The following FRAS1 variants were observed in gnomAD, a reference collection of about 807,000 sequenced individuals.
The protein encoded by FRAS1 is extracellular matrix organizing protein FRAS1.
Under a neutral mutation model 435.2 loss-of-function variants are expected in FRAS1, and 290 were observed. The observed-to-expected ratio is 0.67, with a 90% confidence interval of 0.61 to 0.73. The LOEUF (loss-of-function observed/expected upper bound fraction) is 0.73, where lower values mean the gene tolerates loss of function less well. Ranked by LOEUF, FRAS1 falls within the 30% of genes least tolerant of loss-of-function variation. The probability of loss-of-function intolerance (pLI) is 0.00; values close to 1 mark genes in which losing one functional copy is unlikely to be tolerated. For missense variants in FRAS1, 4,860 were observed against 5,001.5 expected (o/e 0.97, Z 0.85); for synonymous variants, 1,800 against 1,851.0 (o/e 0.97, Z 0.71).
At chr4:78,354,945 G>A (rs980737486) in intron 20 of FRAS1, among the ~76,000 whole-genome samples, 4 of 152,180 alleles carry the variant, frequency 2.6e-5, no homozygotes, top group African/African-American at 7.2e-5. Context: ...AATCCTCACT[G>A]ATCCTTGAAG....
Position 78,519,497 on chromosome 4 carries a change from C to T in FRAS1, c.10540+16C>T. ...TGGAGAACAGGTATGCCCACTGACG[C>T]CTTAACTATCCCTTTAGTTAGGGCT... is the stretch of plus-strand genomic sequence containing the variant. On this transcript the variant is annotated intron_variant, in intron 67 of 73. Transcript: ENST00000512123. The T allele has an allele frequency of 6.2e-7, 1 of 1,602,196 alleles. No individual in the cohort carries two copies. The highest frequency in any genetic ancestry group is 8.5e-7 in the Non-Finnish European group (1 of 1,175,650).
intron 24 of FRAS1, 104 bp from the exon 25 acceptor site, chr4:78,374,007 A>T (rs1156252833): frequency 8.9e-7 from 1 of 1,126,396 alleles, no homozygotes; most frequent in Non-Finnish European, 1.2e-6. Context: ...TGCCCAGTAC[A>T]CTAGGCTGTA....
chr4:78,115,153 C>T (rs539092645), intron 2 of FRAS1, among the ~76,000 whole-genome samples: 109 of 151,366 alleles, frequency 7.2e-4, no homozygotes, highest in African/African-American at 2.5e-3. Flanking sequence ...GTATGTTGAA[C>T]CAGCCTTGCA....
At position 78,165,047 on chromosome 4, in the gene FRAS1, CTT is replaced by C. The variant is rs371186816; in HGVS notation, c.109-72462_109-72461del. 1.5e-4 allele frequency among the ~76,000 whole-genome samples: 23 copies of C among 152,274 alleles called. No individual in the cohort carries two copies. In the East Asian group the frequency reaches 3.7e-3, roughly 24 times the overall value. On this transcript the variant is annotated intron_variant, in intron 2 of 73. Transcript: ENST00000512123. ...AAAAAGATAAATTTAGAATGATTCT[CTT>C]GTTTCCCTACAAATGAGCATGAATT...
In FRAS1 at chr4:78,375,898, A is replaced by G. The variant is rs756903737; in HGVS notation, c.3292+19A>G. On this transcript the variant is annotated intron_variant, in intron 26 of 73. Coordinates refer to ENST00000512123, the MANE Select transcript of FRAS1 (RefSeq NM_025074.7). ...TGTTCTGGTAAGTGCTTCTCCTCAGATGGTCTGGTGAATTTACCAATAATT... is the reference window on the plus strand; with the variant it reads ...TGTTCTGGTAAGTGCTTCTCCTCAGGTGGTCTGGTGAATTTACCAATAATT... The G allele has an allele frequency of 9.3e-6, 15 of 1,613,170 alleles. No individual in the cohort carries two copies. The African/African-American group carries it at 1.6e-4, about 17-fold the overall frequency.
intron 69 of FRAS1, among the ~76,000 whole-genome samples, chr4:78,525,159 TCTA>T (rs1432109703): frequency 6.6e-6 from 1 of 152,182 alleles, no homozygotes; most frequent in African/African-American, 2.4e-5. Flanking sequence ...GCCTCTGGCT[TCTA>T]CTCTGTAGTG....
intron 2 of FRAS1, among the ~76,000 whole-genome samples, chr4:78,190,288 C>T (rs1316832150): frequency 6.6e-6 from 1 of 152,122 alleles, no homozygotes; most frequent in Non-Finnish European, 1.5e-5. Context: ...ACTGTTTAGT[C>T]TTTCTCCCTG....
At chr4:78,290,685 A>T (rs1157926827) in intron 14 of FRAS1, among the ~76,000 whole-genome samples, 1 of 150,510 alleles carries the variant, frequency 6.6e-6, no homozygotes, top group Non-Finnish European at 1.5e-5. Context: ...CCTGACCTCA[A>T]GTGATCTGCC....
chr4:78,462,670 A>G (rs1719406130), intron 47 of FRAS1, among the ~76,000 whole-genome samples: 1 of 152,186 alleles, frequency 6.6e-6, no homozygotes, highest in Non-Finnish European at 1.5e-5. Flanking sequence ...GAAGTTGTTA[A>G]ATTTTTAAAG....
At chr4:78,100,442 G>A (rs1742064747) in intron 2 of FRAS1, among the ~76,000 whole-genome samples, 1 of 152,196 alleles carries the variant, frequency 6.6e-6, no homozygotes. Context: ...GTCCTCACTG[G>A]AGAAACCATC....
rs1205557714 is a variant in FRAS1, at chr4:78,450,160, C to T, written c.6284C>T (p.Ala2095Val). Residue 2095 changes from alanine (A) to valine (V), a missense_variant, in exon 45 of 74, where the codon GCA (alanine) becomes GTA (valine). Ala to Val is a moderately conservative substitution (Grantham distance 64). Coordinates refer to ENST00000512123, the MANE Select transcript of FRAS1 (RefSeq NM_025074.7). ...TCCGTTCTCTTCCAAGGGTCTGTAG[C>T]ACGCATCACAGAACAGCACTTGAAA... ...QGLQLSAGSVARITEQHLKVT... is the reference protein window; with the variant it reads ...QGLQLSAGSVVRITEQHLKVT... 1.2e-6 allele frequency: 2 copies of T among 1,612,696 alleles called. No homozygotes were observed. Among genetic ancestry groups the T allele is most frequent in the Admixed American group, 1.7e-5 (1 of 59,982 alleles).
intron 2 of FRAS1, among the ~76,000 whole-genome samples, chr4:78,121,519 T>A (rs1719022904): frequency 6.6e-6 from 1 of 152,216 alleles, no homozygotes; most frequent in Non-Finnish European, 1.5e-5. Flanking sequence ...TCAAGCACAC[T>A]CTGTCTATGT....
Position 78,488,921 on chromosome 4 carries a change from G to A in FRAS1, c.8799G>A (p.Lys2933=). ...FAKDLLLVKE[K]EGVLHVPITR... Reference sequence around the variant, plus strand: ...AGGATTTGCTCCTAGTGAAGGAGAAGGAGGGTGTCCTGCATGTCCCTATCA... The same window carrying A: ...AGGATTTGCTCCTAGTGAAGGAGAAAGAGGGTGTCCTGCATGTCCCTATCA... The change falls in exon 59 of 74, where the codon AAG becomes AAA. Residue 2933 remains lysine, a synonymous_variant. Transcript: ENST00000512123. 3 of 1,613,422 alleles carry A rather than the reference G, an allele frequency of 1.9e-6. No homozygotes were observed. The South Asian group carries it at 3.3e-5, about 18-fold the overall frequency.
chr4:78,514,303 G>A (rs1188108886), intron 65 of FRAS1, among the ~76,000 whole-genome samples: 2 of 152,232 alleles, frequency 1.3e-5, no homozygotes, highest in African/African-American at 2.4e-5. Context: ...CTGAGGCAGC[G>A]CATCTCTGTG....
intron 2 of FRAS1, among the ~76,000 whole-genome samples, chr4:78,173,491 G>T (rs1005072441): frequency 6.6e-6 from 1 of 152,112 alleles, no homozygotes; most frequent in Non-Finnish European, 1.5e-5. Flanking sequence ...TCCCTCACTT[G>T]CATCTCCTCC....
chr4:78,489,153 T>C, intron 59 of FRAS1, 73 bp downstream of exon 59: 3 of 1,427,466 alleles, frequency 2.1e-6, no homozygotes, highest in Admixed American at 2.0e-5. Context: ...AAGTCATTTA[T>C]ATAAATTCCA....
At chr4:78,241,639 A>C (rs981725801) in intron 3 of FRAS1, among the ~76,000 whole-genome samples, 2 of 151,958 alleles carry the variant, frequency 1.3e-5, no homozygotes, top group African/African-American at 4.8e-5. Flanking sequence ...GAATAGGAGA[A>C]TGGGAGGCCA....
chr4:78,540,448 T>C, intron 73 of FRAS1, 83 bp from the exon 74 acceptor site: 1 of 810,848 alleles, frequency 1.2e-6, no homozygotes, highest in East Asian at 2.7e-5. Flanking sequence ...TATCAAGGCA[T>C]ATAGTGGCAA....
intron 2 of FRAS1, among the ~76,000 whole-genome samples, chr4:78,105,770 C>T (rs907544323): frequency 6.6e-6 from 1 of 151,882 alleles, no homozygotes; most frequent in Non-Finnish European, 1.5e-5. Flanking sequence ...AGGAACAGCT[C>T]CGGTCTACAG....
Sources: gnomAD v4.1 joint callset for allele counts (sites outside exome capture counted in the v4.1 genomes callset) on GRCh38, gnomAD v4.1.1 for gene constraint, MANE v1.5 for transcripts, NCBI Gene and HGNC (gene_info 2026-07-23, HGNC 2026-07-21) for gene names.